The following IL1RAPL2 variants were observed in gnomAD, a reference collection of about 807,000 sequenced individuals.
The protein encoded by IL1RAPL2 is interleukin 1 receptor accessory protein like 2.
A neutral mutation model predicts 44.1 loss-of-function variants in IL1RAPL2; 3 were observed. That is an observed-to-expected ratio of 0.07 (90% CI 0.03 to 0.18). The LOEUF (loss-of-function observed/expected upper bound fraction) is 0.18, where lower values mean the gene tolerates loss of function less well. IL1RAPL2 is among the 10% of genes least tolerant of loss of function. The pLI is 1.00. For missense variants in IL1RAPL2, 391 were observed against 496.4 expected (o/e 0.79, Z 2.02); for synonymous variants, 181 against 178.8 (o/e 1.01, Z -0.10).
chrX:104,813,829 G>C (rs749692610), intron 2 of IL1RAPL2, among the ~76,000 whole-genome samples: 1 of 111,925 alleles, frequency 8.9e-6, no homozygotes, highest in East Asian at 2.8e-4. Context: ...GGAAACTGCA[G>C]CTGTGTCTTC....
At chrX:105,012,598 T>TTCTCTCTCTCTCTCTCTC (rs1174323282) in intron 2 of IL1RAPL2, among the ~76,000 whole-genome samples, 7 of 51,726 alleles carry the variant, frequency 1.4e-4, no homozygotes, top group African/African-American at 1.8e-4. Flanking sequence ...AACTTTCTCT[T>TTCTCTCTCTCTCTCTCTC]TCTCTCTCTC....
intron 2 of IL1RAPL2, among the ~76,000 whole-genome samples, chrX:104,749,794 A>G: frequency 8.9e-6 from 1 of 111,917 alleles, no homozygotes; most frequent in Admixed American, 9.5e-5. Context: ...CAATGGGTGA[A>G]TATATGTAAT....
chrX:105,606,289 A>G (rs1044790351), intron 6 of IL1RAPL2, among the ~76,000 whole-genome samples: 6 of 111,970 alleles, frequency 5.4e-5, no homozygotes, highest in Non-Finnish European at 1.1e-4. Flanking sequence ...ATGGCCAGCC[A>G]GTATATGAAA....
chrX:105,219,828 G>A (rs2033930529), intron 3 of IL1RAPL2: 1 of 1,102,315 alleles, frequency 9.1e-7, no homozygotes, highest in Non-Finnish European at 1.2e-6. Context: ...GGGTAGGACG[G>A]AGCTACCAGG....
At chrX:105,726,154 G>T (rs1187331307) in intron 7 of IL1RAPL2, among the ~76,000 whole-genome samples, 1 of 111,643 alleles carries the variant, frequency 9.0e-6, no homozygotes, top group African/African-American at 3.3e-5. Context: ...CCTATAATTA[G>T]TAAATAATAA....
At chrX:105,657,465 A>T (rs1464581627) in intron 6 of IL1RAPL2, among the ~76,000 whole-genome samples, 1 of 111,772 alleles carries the variant, frequency 8.9e-6, no homozygotes, top group Non-Finnish European at 1.9e-5. Context: ...GTGTTTTCTC[A>T]TCCATCTGTA....
At chrX:104,975,830 C>T (rs925947203) in intron 2 of IL1RAPL2, among the ~76,000 whole-genome samples, 1 of 111,289 alleles carries the variant, frequency 9.0e-6, no homozygotes, top group African/African-American at 3.3e-5. Flanking sequence ...GTGGCTGGTG[C>T]CTGATGACCT....
At chrX:105,670,359 G>A (rs1265374403) in intron 6 of IL1RAPL2, among the ~76,000 whole-genome samples, 3 of 100,838 alleles carry the variant, frequency 3.0e-5, no homozygotes, top group African/African-American at 7.3e-5. Context: ...GGAGTTCAGT[G>A]GCACGATCTC....
At chrX:104,895,104 ATTGCTGAACAGCAAATG>A (rs1425167371) in intron 2 of IL1RAPL2, among the ~76,000 whole-genome samples, 2 of 112,147 alleles carry the variant, frequency 1.8e-5, no homozygotes, top group African/African-American at 6.5e-5. Context: ...AACAGCGAAT[ATTGCTGAACAGCAAATG>A]TTGCTGCCTG....
At chrX:105,249,163 A>G (rs936721679) in intron 4 of IL1RAPL2, among the ~76,000 whole-genome samples, 2 of 111,724 alleles carry the variant, frequency 1.8e-5, no homozygotes, top group Admixed American at 1.9e-4. Flanking sequence ...CTATTCAGCC[A>G]TAAAAAAAGA....
intron 2 of IL1RAPL2, among the ~76,000 whole-genome samples, chrX:104,789,016 T>C (rs1180019825): frequency 1.8e-5 from 2 of 112,238 alleles, no homozygotes; most frequent in Non-Finnish European, 3.8e-5. Flanking sequence ...TGTAAATGCA[T>C]GAAGCATATA....
At chrX:104,650,382 T>A (rs747060642) in intron 1 of IL1RAPL2, among the ~76,000 whole-genome samples, 1 of 111,261 alleles carries the variant, frequency 9.0e-6, no homozygotes, top group Non-Finnish European at 1.9e-5. Flanking sequence ...CAGTGTAAGG[T>A]TTCCAGGAGT....
chrX:104,927,273 T>C (rs761296649), intron 2 of IL1RAPL2, among the ~76,000 whole-genome samples: 4 of 111,715 alleles, frequency 3.6e-5, no homozygotes, highest in Non-Finnish European at 7.5e-5. Context: ...ATCACTTCCA[T>C]GAAGTCTTTC....
intron 2 of IL1RAPL2, among the ~76,000 whole-genome samples, chrX:105,101,218 G>A (rs916344612): frequency 8.9e-5 from 10 of 112,116 alleles, no homozygotes; most frequent in African/African-American, 3.2e-4. Flanking sequence ...GCTCCCAGAA[G>A]ATTAGGTTTT....
chrX:105,522,114 C>T (rs958444522), intron 6 of IL1RAPL2, among the ~76,000 whole-genome samples: 2 of 111,590 alleles, frequency 1.8e-5, no homozygotes, highest in Non-Finnish European at 3.8e-5. Flanking sequence ...TTGAATCCAA[C>T]CCTGGACCTC....
At chrX:104,961,576 C>T (rs1441030302) in intron 2 of IL1RAPL2, among the ~76,000 whole-genome samples, 1 of 111,569 alleles carries the variant, frequency 9.0e-6, no homozygotes, top group African/African-American at 3.3e-5. Flanking sequence ...GAGTTCTTCC[C>T]TGACCGATTT....
chrX:104,986,319 G>T (rs557343836), intron 2 of IL1RAPL2, among the ~76,000 whole-genome samples: 2 of 112,063 alleles, frequency 1.8e-5, no homozygotes, highest in South Asian at 3.7e-4. Context: ...AGGATTAAAT[G>T]AGATAAACCA....
At chrX:105,293,930 A>T (rs1412977202) in intron 5 of IL1RAPL2, among the ~76,000 whole-genome samples, 4 of 112,388 alleles carry the variant, frequency 3.6e-5, no homozygotes, top group Non-Finnish European at 5.6e-5. Flanking sequence ...TTGTAATATG[A>T]TTTAACTAAA....
At chrX:105,149,080 C>T (rs2033203016) in intron 2 of IL1RAPL2, among the ~76,000 whole-genome samples, 1 of 112,164 alleles carries the variant, frequency 8.9e-6, no homozygotes, top group African/African-American at 3.2e-5. Context: ...ACCAGATGCA[C>T]ATGTTCTTTG....
Sources: gnomAD v4.1 joint callset for allele counts (sites outside exome capture counted in the v4.1 genomes callset) on GRCh38, gnomAD v4.1.1 for gene constraint, MANE v1.5 for transcripts, NCBI Gene and HGNC (gene_info 2026-07-23, HGNC 2026-07-21) for gene names.